PCNT: variants seen among roughly 807,000 people sequenced by gnomAD.
PCNT encodes kendrin.
PCNT carries 319 observed loss-of-function variants against 380.4 expected under a neutral mutation model. That is an observed-to-expected ratio of 0.84 (90% CI 0.77 to 0.92). The LOEUF (loss-of-function observed/expected upper bound fraction) is 0.92. Among genes scored for constraint, PCNT ranks in the 40% least tolerant of loss-of-function variants. The pLI is 0.00. For missense variants in PCNT, 4,400 were observed against 4,255.3 expected (o/e 1.03, Z -0.95); for synonymous variants, 1,845 against 1,735.2 (o/e 1.06, Z -1.57).
At chr21:46,435,869 G>T in intron 38 of PCNT, 35 bp from the exon 39 acceptor site, 1 of 1,613,570 alleles carries the variant, frequency 6.2e-7, no homozygotes. Context: ...ACACTGACGT[G>T]AACGTCTTCT....
At chr21:46,422,836 C>T (rs572506296) in intron 32 of PCNT, among the ~76,000 whole-genome samples, 1 of 152,346 alleles carries the variant, frequency 6.6e-6, no homozygotes, top group African/African-American at 2.4e-5. Context: ...CTGGCCGCAG[C>T]TCCCGTTGTC....
chr21:46,422,221 G>A, intron 32 of PCNT, 97 bp downstream of exon 32: 1 of 1,481,632 alleles, frequency 6.7e-7, no homozygotes, highest in Admixed American at 1.8e-5. Flanking sequence ...AGCCTTGGAG[G>A]GCCAGCTTTT....
intron 38 of PCNT, among the ~76,000 whole-genome samples, chr21:46,432,528 T>C (rs2087812628): frequency 6.6e-6 from 1 of 152,272 alleles, no homozygotes; most frequent in Non-Finnish European, 1.5e-5. Context: ...TGGGATTTTC[T>C]TAGGGATGGC....
chr21:46,331,331 C>T (rs983926515), intron 2 of PCNT, among the ~76,000 whole-genome samples: 1 of 150,650 alleles, frequency 6.6e-6, no homozygotes, highest in Non-Finnish European at 1.5e-5. Context: ...TGATATAAGA[C>T]ATATTTTTAA....
chr21:46,349,006 A>C lies in PCNT; in HGVS notation c.1033-6A>C, dbSNP rs768445726. On this transcript the variant is annotated splice_region_variant and splice_polypyrimidine_tract_variant and intron_variant, in intron 6 of 46. Transcript: ENST00000359568. The stretch of plus-strand genomic sequence containing the variant: ...TTGAGTTTAATTTTTTTTTCTTTTA[A>C]ATTAGACCCTGAAGGAAGATTGGGA... 1 of 1,547,132 alleles carries C rather than the reference A, an allele frequency of 6.5e-7. No individual in the cohort carries two copies. The highest frequency in any genetic ancestry group is 1.7e-5 in the Admixed American group (1 of 59,612).
intron 35 of PCNT, 25 bp from the exon 36 acceptor site, chr21:46,429,985 G>A (rs1318483767): frequency 6.2e-7 from 1 of 1,601,384 alleles, no homozygotes; most frequent in Non-Finnish European, 8.6e-7. Context: ...ATGGGGGCCT[G>A]TTACTGTTCT....
intron 17 of PCNT, among the ~76,000 whole-genome samples, chr21:46,387,054 C>T (rs985075488): frequency 2.6e-5 from 4 of 152,100 alleles, no homozygotes; most frequent in African/African-American, 4.8e-5. Context: ...TGTCCCCACT[C>T]GAGGCCTCTG....
At chr21:46,399,159 C>G (rs2086313727) in intron 24 of PCNT, among the ~76,000 whole-genome samples, 1 of 152,210 alleles carries the variant, frequency 6.6e-6, no homozygotes. Context: ...TTTCATTTTC[C>G]TAACAAATTC....
intron 21 of PCNT, among the ~76,000 whole-genome samples, chr21:46,395,223 C>G (rs1259447906): frequency 1.3e-5 from 2 of 152,202 alleles, no homozygotes; most frequent in Non-Finnish European, 2.9e-5. Flanking sequence ...TTTTACAAAT[C>G]AAAATGATTT....
intron 13 of PCNT, among the ~76,000 whole-genome samples, chr21:46,362,909 C>T (rs2084770180): frequency 6.6e-6 from 1 of 152,172 alleles, no homozygotes; most frequent in Non-Finnish European, 1.5e-5. Flanking sequence ...CTGCATTCTC[C>T]TTCATCCCCC....
chr21:46,326,296 C>A, intron 1 of PCNT, 81 bp from the exon 2 acceptor site: 1 of 1,368,024 alleles, frequency 7.3e-7, no homozygotes, highest in Non-Finnish European at 1.0e-6. Flanking sequence ...TCATGGTCCC[C>A]ACCAGTCTGT....
Position 46,443,877 on chromosome 21 carries a change from C to A in PCNT, c.9768C>A (p.Pro3256=). 1 of 1,613,206 alleles carries A rather than the reference C, an allele frequency of 6.2e-7. No homozygotes were observed. Among genetic ancestry groups the A allele is most frequent in the Non-Finnish European group, 8.5e-7 (1 of 1,179,986 alleles). ...TRESPPTRDV[P]SGHTRDPARG... ...AGTCCCCCCCAACCCGGGATGTACC[C>A]TCTGGCCACACCAGGGACCCTGCCA... is the stretch of plus-strand genomic sequence containing the variant. Residue 3256 remains proline (P), a synonymous_variant, in exon 45 of 47, where the codon CCC becomes CCA. Transcript: ENST00000359568.
chr21:46,364,902 G>C (rs895242614), intron 14 of PCNT, among the ~76,000 whole-genome samples: 1 of 152,254 alleles, frequency 6.6e-6, no homozygotes, highest in African/African-American at 2.4e-5. Flanking sequence ...AGGCCCTCAA[G>C]AGAGGCTTCC....
chr21:46,387,828 GTCC>G (rs2147260408), intron 17 of PCNT, among the ~76,000 whole-genome samples: 1 of 152,194 alleles, frequency 6.6e-6, no homozygotes, highest in East Asian at 1.9e-4. Context: ...CAACGTGCCT[GTCC>G]TCAGCGGCGT....
intron 31 of PCNT, 32 bp downstream of exon 31, chr21:46,418,338 T>A (rs201161106): frequency 8.0e-7 from 1 of 1,255,344 alleles, no homozygotes; most frequent in East Asian, 2.3e-5. Flanking sequence ...TTTAATTTTT[T>A]ATTTCAGTGG....
intron 15 of PCNT, among the ~76,000 whole-genome samples, chr21:46,367,921 A>T (rs2084984524): frequency 2.0e-5 from 3 of 152,226 alleles, no homozygotes; most frequent in Admixed American, 6.5e-5. Context: ...GTCTGTAATC[A>T]CAGCAGTTTA....
At chr21:46,429,936 G>A in intron 35 of PCNT, 74 bp from the exon 36 acceptor site, 4 of 1,232,820 alleles carry the variant, frequency 3.2e-6, no homozygotes, top group South Asian at 2.5e-5. Flanking sequence ...CCACGAGTCT[G>A]TCTCTAACCT....
chr21:46,431,469 A>T, intron 37 of PCNT, 60 bp from the exon 38 acceptor site: 1 of 1,613,074 alleles, frequency 6.2e-7, no homozygotes, highest in Non-Finnish European at 8.5e-7. Context: ...GGACAGGAAA[A>T]CCATGTAGAC....
chr21:46,436,895 C>G, intron 39 of PCNT, 84 bp from the exon 40 acceptor site: 1 of 997,482 alleles, frequency 1.0e-6, no homozygotes, highest in Non-Finnish European at 1.6e-6. Flanking sequence ...TCTTGTCTCT[C>G]TTGAGCCGTG....
Sources: allele counts gnomAD v4.1 joint callset (sites outside exome capture counted in the v4.1 genomes callset), GRCh38; gene constraint gnomAD v4.1.1; transcripts MANE v1.5; gene names NCBI Gene and HGNC (gene_info 2026-07-23, HGNC 2026-07-21).